The following CCDC148 variants were observed in gnomAD, a reference collection of about 807,000 sequenced individuals.
CCDC148 encodes the protein coiled-coil domain containing 148, also known as coiled-coil domain-containing protein 148.
In CCDC148, 89 loss-of-function variants were observed where a neutral mutation model predicts 85.7. The observed-to-expected ratio is 1.04, with a 90% CI of 0.87 to 1.24. CCDC148 has a LOEUF of 1.24. CCDC148 is among the 50% of genes most tolerant of loss of function. The pLI, the probability that CCDC148 is intolerant of heterozygous loss-of-function variation, is 0.00. For synonymous variants in CCDC148, 230 were observed against 213.9 expected (o/e 1.08, Z -0.66); for missense variants, 692 against 671.7 (o/e 1.03, Z -0.33).
intron 9 of CCDC148, among the ~76,000 whole-genome samples, chr2:158,305,085 C>G (rs146056787): frequency 1.1e-3 from 162 of 152,166 alleles, no homozygotes; most frequent in African/African-American, 3.6e-3. Flanking sequence ...AGAACGCATC[C>G]TATGACAGTG....
chr2:158,220,491 A>C, intron 11 of CCDC148, 104 bp downstream of exon 11: 1 of 726,680 alleles, frequency 1.4e-6, no homozygotes, highest in Non-Finnish European at 2.3e-6. Context: ...GAAAGGATAC[A>C]TTAAGTATAG....
intron 1 of CCDC148, among the ~76,000 whole-genome samples, chr2:158,404,796 C>T (rs9711224): frequency 0.074 from 11,332 of 152,182 alleles, 567 homozygotes; most frequent in Middle Eastern, 0.11. Flanking sequence ...GGACCAGACT[C>T]CCTCTCTGAT....
In CCDC148 at chr2:158,296,601, C is replaced by T. The variant is rs114237339; in HGVS notation, c.1110+12832G>A. Among the ~76,000 whole-genome samples, 1,256 of 152,256 alleles carry T rather than the reference C, an allele frequency of 8.2e-3. 11 individuals carry two copies. Among genetic ancestry groups the T allele is most frequent in the African/African-American group, 0.029 (1,189 of 41,548 alleles). ...AAAATGCAAACATCTATATTCTAGA[C>T]CAAGTATCCTCATTTGCAAAACATC... On this transcript the variant is annotated intron_variant, in intron 9 of 13. Transcript: ENST00000283233.
chr2:158,209,142 A>AT (rs950259394), intron 11 of CCDC148, among the ~76,000 whole-genome samples: 6 of 151,688 alleles, frequency 4.0e-5, no homozygotes, highest in African/African-American at 9.7e-5. Flanking sequence ...ACACATACAT[A>AT]TTTTTTTTCA....
chr2:158,330,969 T>C (rs1244070053), intron 7 of CCDC148, among the ~76,000 whole-genome samples: 2 of 152,206 alleles, frequency 1.3e-5, no homozygotes, highest in African/African-American at 2.4e-5. Context: ...AGCTCCTGGA[T>C]TCATTGATTT....
chr2:158,436,266 T>C (rs982028732), intron 1 of CCDC148, among the ~76,000 whole-genome samples: 10 of 152,156 alleles, frequency 6.6e-5, no homozygotes, highest in Admixed American at 5.2e-4. Flanking sequence ...ACAGAAATTA[T>C]AACAAACTGT....
intron 10 of CCDC148, among the ~76,000 whole-genome samples, chr2:158,227,804 G>A (rs1483111646): frequency 6.6e-6 from 1 of 152,016 alleles, no homozygotes; most frequent in Non-Finnish European, 1.5e-5. Context: ...ACAAAAATTA[G>A]TTCAAGATTG....
intron 1 of CCDC148, among the ~76,000 whole-genome samples, chr2:158,364,481 G>C (rs922035953): frequency 2.0e-5 from 3 of 152,052 alleles, no homozygotes; most frequent in Admixed American, 1.3e-4. Flanking sequence ...AAACAGAACA[G>C]AACAGAGGCC....
At chr2:158,305,265 A>G (rs1691631488) in intron 9 of CCDC148, among the ~76,000 whole-genome samples, 1 of 152,228 alleles carries the variant, frequency 6.6e-6, no homozygotes, top group African/African-American at 2.4e-5. Context: ...CCCTCACAAG[A>G]ACATCAAATT....
intron 9 of CCDC148, among the ~76,000 whole-genome samples, chr2:158,272,631 G>A (rs1521872): frequency 0.31 from 47,263 of 152,022 alleles, 8,134 homozygotes; most frequent in Middle Eastern, 0.45. Context: ...GTGCTGTGCC[G>A]AGATGGATGT....
chr2:158,366,938 G>A (rs187132686), intron 1 of CCDC148, among the ~76,000 whole-genome samples: 32 of 152,270 alleles, frequency 2.1e-4, no homozygotes, highest in African/African-American at 7.5e-4. Flanking sequence ...CTTCTTAAAA[G>A]GAGGAGAAGA....
At chr2:158,406,788 A>G (rs1686045598) in intron 1 of CCDC148, among the ~76,000 whole-genome samples, 1 of 151,442 alleles carries the variant, frequency 6.6e-6, no homozygotes, top group African/African-American at 2.4e-5. Flanking sequence ...ATGCCCAGCT[A>G]ATGTTTGTAT....
intron 1 of CCDC148, among the ~76,000 whole-genome samples, chr2:158,435,844 A>C (rs931739608): frequency 6.6e-6 from 1 of 152,244 alleles, no homozygotes; most frequent in Non-Finnish European, 1.5e-5. Context: ...CTGATAAAAC[A>C]GACTTTGAAC....
chr2:158,361,839 G>A (rs998238092), intron 1 of CCDC148, among the ~76,000 whole-genome samples: 19 of 151,994 alleles, frequency 1.3e-4, no homozygotes, highest in African/African-American at 3.9e-4. Flanking sequence ...ACTGTAAATG[G>A]GCTAAATGCC....
chr2:158,222,894 G>C (rs948603712), intron 10 of CCDC148, among the ~76,000 whole-genome samples: 2 of 152,152 alleles, frequency 1.3e-5, no homozygotes, highest in African/African-American at 4.8e-5. Context: ...GGGTGAGCGA[G>C]GCAGAAGACG....
rs142127784 is a variant in CCDC148, at chr2:158,204,602, A to G, written c.1370+15993T>C. Among the ~76,000 whole-genome samples, 451 of 152,220 alleles carry G rather than the reference A, an allele frequency of 3.0e-3. 9 individuals are homozygous for G. The highest frequency in any genetic ancestry group is 0.01 in the African/African-American group (435 of 41,548). On this transcript the variant is annotated intron_variant, in intron 11 of 13. Coordinates refer to ENST00000283233, the MANE Select transcript of CCDC148 (RefSeq NM_138803.4). ...CTACCCCCAGCTTTCTAGTCATCTC[A>G]GCCCAGACGAAAGAAGACATCAGAT...
At chr2:158,415,697 G>T (rs899786374) in intron 1 of CCDC148, among the ~76,000 whole-genome samples, 2 of 152,140 alleles carry the variant, frequency 1.3e-5, no homozygotes, top group African/African-American at 4.8e-5. Flanking sequence ...CCAAAAGAGA[G>T]AAATCTGCCA....
intron 9 of CCDC148, among the ~76,000 whole-genome samples, chr2:158,300,199 A>G (rs1049980556): frequency 6.6e-6 from 1 of 152,218 alleles, no homozygotes; most frequent in African/African-American, 2.4e-5. Flanking sequence ...GAAATACATT[A>G]GAAAGAAGGT....
chr2:158,360,707 G>A lies in CCDC148; in HGVS notation c.26-2137C>T, dbSNP rs570335377. Among the ~76,000 whole-genome samples, 18 of 152,230 alleles carry A rather than the reference G, an allele frequency of 1.2e-4. No homozygotes were observed. In the South Asian group the frequency reaches 3.7e-3, roughly 32 times the overall value. On this transcript the variant is annotated intron_variant, in intron 1 of 13. Coordinates refer to ENST00000283233, the MANE Select transcript of CCDC148 (RefSeq NM_138803.4). ...AAAGACCAAAGATAGATAAATCCAC[G>A]AAAATGGGGAGAAGCCAGTGCAAAA...
Sources: allele counts gnomAD v4.1 joint callset (sites outside exome capture counted in the v4.1 genomes callset), GRCh38; gene constraint gnomAD v4.1.1; transcripts MANE v1.5; gene names NCBI Gene and HGNC (gene_info 2026-07-23, HGNC 2026-07-21).